The following CADM2 variants were observed in gnomAD, a reference collection of about 807,000 sequenced individuals.
CADM2 encodes immunoglobulin superfamily member 4D.
CADM2 carries 12 observed loss-of-function variants against 49.8 expected under a neutral mutation model. The ratio of observed to expected loss-of-function variants is 0.24; its 90% CI spans 0.15 to 0.39. CADM2 has a LOEUF of 0.39. Among genes scored for constraint, CADM2 ranks in the 10% least tolerant of loss-of-function variants. CADM2 has a pLI of 1.00. For missense variants in CADM2, 378 were observed against 492.3 expected (o/e 0.77, Z 2.20); for synonymous variants, 214 against 175.4 (o/e 1.22, Z -1.74).
Position 85,012,765 on chromosome 3 carries a change from T to C in CADM2, c.61+53097T>C, listed in dbSNP as rs556371536. ...ATTCAGTTATAATTTATTTCTATAT[T>C]ATAGAAATTATAAATCATTGGATAT... is the stretch of plus-strand genomic sequence containing the variant. On this transcript the variant is annotated intron_variant, in intron 1 of 9. Transcript: ENST00000383699. Among the ~76,000 whole-genome samples the C allele has an allele frequency of 5.3e-5, 8 of 151,368 alleles. No individual in the cohort carries two copies. The South Asian group carries it at 1.7e-3, about 31-fold the overall frequency.
intron 1 of CADM2, among the ~76,000 whole-genome samples, chr3:85,067,752 G>A (rs1470141781): frequency 6.6e-6 from 1 of 152,058 alleles, no homozygotes; most frequent in Non-Finnish European, 1.5e-5. Flanking sequence ...TCTGCACTGT[G>A]GATAGAATTA....
At chr3:85,388,417 GT>G (rs2034353610) in intron 1 of CADM2, among the ~76,000 whole-genome samples, 1 of 152,086 alleles carries the variant, frequency 6.6e-6, no homozygotes, top group Admixed American at 6.6e-5. Flanking sequence ...AAAGAAGCGG[GT>G]TACTAGTTTA....
At chr3:85,916,362 C>G (rs560439843) in intron 6 of CADM2, among the ~76,000 whole-genome samples, 128 of 144,590 alleles carry the variant, frequency 8.9e-4, no homozygotes, top group Non-Finnish European at 1.3e-3. Context: ...TGATGTTCCC[C>G]TTCCTGTGTC....
intron 1 of CADM2, among the ~76,000 whole-genome samples, chr3:85,226,150 T>G (rs916380594): frequency 6.6e-5 from 10 of 152,154 alleles, no homozygotes; most frequent in African/African-American, 2.2e-4. Context: ...TTAGGGAGAA[T>G]TCCTTCTTTT....
chr3:85,951,155 A>G (rs779974654), intron 7 of CADM2, among the ~76,000 whole-genome samples: 1 of 151,094 alleles, frequency 6.6e-6, no homozygotes, highest in African/African-American at 2.4e-5. Context: ...AGCAAACTCT[A>G]ACTCATGATA....
chr3:85,289,820 T>G (rs1576289432), intron 1 of CADM2, among the ~76,000 whole-genome samples: 1 of 152,342 alleles, frequency 6.6e-6, no homozygotes, highest in East Asian at 1.9e-4. Context: ...TTACTTGTAT[T>G]AATCCATTTA....
At position 86,066,332 on chromosome 3, in the gene CADM2, C is replaced by CA. The variant is rs10663610; in HGVS notation, c.1097-307dup. Among the ~76,000 whole-genome samples, 277 of 30,248 alleles carry CA rather than the reference C, an allele frequency of 9.2e-3. 36 individuals carry two copies. Among genetic ancestry groups the CA allele is most frequent in the Middle Eastern group, 0.071 (2 of 28 alleles). The allele number at this position is 30,248 out of a possible 152,430, so 19.8% of individuals were successfully genotyped here. A position where few individuals can be genotyped will look rare whatever the true frequency, so the allele number is the denominator to read the frequency against. On this transcript the variant is annotated intron_variant, in intron 9 of 9. Transcript: ENST00000383699. The stretch of plus-strand genomic sequence containing the variant: ...TGGGCGAGAGAGCGAGACTCCGTCT[C>CA]AAAAAAAAAAAAAAAAAAAAAAAAA...
chr3:85,395,998 T>C (rs1393605072), intron 1 of CADM2, among the ~76,000 whole-genome samples: 2 of 149,076 alleles, frequency 1.3e-5, no homozygotes, highest in African/African-American at 2.4e-5. Context: ...AAATATGCAA[T>C]TATATTTTCA....
At chr3:85,332,601 ATTATGTAAAAATG>A (rs2044960767) in intron 1 of CADM2, among the ~76,000 whole-genome samples, 1 of 151,946 alleles carries the variant, frequency 6.6e-6, no homozygotes, top group Non-Finnish European at 1.5e-5. Flanking sequence ...TCACTTTTGT[ATTATGTAAAAATG>A]AAATATACAT....
intron 8 of CADM2, among the ~76,000 whole-genome samples, chr3:86,047,855 G>A (rs991506739): frequency 7.9e-5 from 12 of 152,250 alleles, no homozygotes; most frequent in Non-Finnish European, 1.2e-4. Context: ...ATTAAACTTA[G>A]CAGATGTTAG....
intron 1 of CADM2, among the ~76,000 whole-genome samples, chr3:85,561,533 T>C (rs2062094785): frequency 6.6e-6 from 1 of 152,170 alleles, no homozygotes; most frequent in African/African-American, 2.4e-5. Flanking sequence ...AGAGGAGATA[T>C]AATTTCTATT....
At chr3:85,403,696 A>G (rs538905300) in intron 1 of CADM2, among the ~76,000 whole-genome samples, 15 of 152,256 alleles carry the variant, frequency 9.9e-5, no homozygotes, top group Admixed American at 4.6e-4. Flanking sequence ...ATTTATTTCT[A>G]TTGTTGACAT....
At chr3:85,103,980 A>G (rs538914160) in intron 1 of CADM2, among the ~76,000 whole-genome samples, 7 of 152,318 alleles carry the variant, frequency 4.6e-5, no homozygotes, top group African/African-American at 1.7e-4. Context: ...ATGATTTAGA[A>G]AAAGTGAGAT....
chr3:85,337,165 T>A (rs1414342545), intron 1 of CADM2, among the ~76,000 whole-genome samples: 1 of 149,854 alleles, frequency 6.7e-6, no homozygotes, highest in East Asian at 1.9e-4. Flanking sequence ...TTAAAGCTCC[T>A]TCTCCCACAA....
intron 1 of CADM2, among the ~76,000 whole-genome samples, chr3:85,520,484 A>G (rs1576707624): frequency 1.3e-5 from 2 of 152,112 alleles, no homozygotes; most frequent in East Asian, 3.9e-4. Context: ...TGTTTTAAGC[A>G]CTTACTCTGT....
intron 1 of CADM2, among the ~76,000 whole-genome samples, chr3:85,438,963 C>G (rs1413892686): frequency 6.6e-6 from 1 of 152,014 alleles, no homozygotes. Context: ...GCTGGGATTA[C>G]AGGTGTAAGC....
At chr3:85,739,676 A>G (rs2068297140) in intron 2 of CADM2, among the ~76,000 whole-genome samples, 1 of 152,114 alleles carries the variant, frequency 6.6e-6, no homozygotes, top group Non-Finnish European at 1.5e-5. Flanking sequence ...AATAAAAACT[A>G]TTTTAATTTT....
intron 7 of CADM2, among the ~76,000 whole-genome samples, chr3:85,951,819 C>G (rs1056135699): frequency 2.0e-5 from 3 of 150,770 alleles, no homozygotes; most frequent in African/African-American, 4.9e-5. Flanking sequence ...TGATGTTGTG[C>G]TAAAGGCACA....
chr3:85,217,971 TG>T (rs1435145062), intron 1 of CADM2, among the ~76,000 whole-genome samples: 1 of 152,120 alleles, frequency 6.6e-6, no homozygotes, highest in African/African-American at 2.4e-5. Context: ...TTTGGATATT[TG>T]GCCTTTAGCT....
Sources: gnomAD v4.1 joint callset for allele counts (sites outside exome capture counted in the v4.1 genomes callset) on GRCh38, gnomAD v4.1.1 for gene constraint, MANE v1.5 for transcripts, NCBI Gene and HGNC (gene_info 2026-07-23, HGNC 2026-07-21) for gene names.